The following CAMK2D variants were observed in gnomAD, a reference collection of about 807,000 sequenced individuals.
CAMK2D encodes the protein calcium/calmodulin dependent protein kinase II delta.
CAMK2D carries 37 observed loss-of-function variants against 84.0 expected under a neutral mutation model. The observed-to-expected ratio is 0.44, with a 90% CI of 0.34 to 0.58. CAMK2D has a LOEUF of 0.58. CAMK2D is among the 20% of genes least tolerant of loss of function. The pLI, the probability that CAMK2D is intolerant of heterozygous loss-of-function variation, is 0.02. For synonymous variants in CAMK2D, 202 were observed against 212.5 expected (o/e 0.95, Z 0.43); for missense variants, 448 against 652.5 (o/e 0.69, Z 3.41).
chr4:113,578,532 G>A (rs2098794205), intron 4 of CAMK2D, among the ~76,000 whole-genome samples: 1 of 152,126 alleles, frequency 6.6e-6, no homozygotes, highest in South Asian at 2.1e-4. Flanking sequence ...GTTCATATCA[G>A]TTCAAAATGA....
chr4:113,532,270 CTT>C (rs2098463415), intron 7 of CAMK2D, among the ~76,000 whole-genome samples: 1 of 152,150 alleles, frequency 6.6e-6, no homozygotes, highest in Non-Finnish European at 1.5e-5. Flanking sequence ...AAACTTTGCA[CTT>C]AATCTTTTTT....
chr4:113,511,967 G>T (rs2098220407), intron 12 of CAMK2D, among the ~76,000 whole-genome samples: 1 of 152,138 alleles, frequency 6.6e-6, no homozygotes, highest in East Asian at 1.9e-4. Flanking sequence ...ATTTAATAAT[G>T]ATATGATGGA....
chr4:113,490,765 T>C (rs533983378), intron 16 of CAMK2D, among the ~76,000 whole-genome samples: 1 of 143,784 alleles, frequency 7.0e-6, no homozygotes, highest in Admixed American at 6.9e-5. Context: ...TGATTCTTCC[T>C]ACCCATGAGC....
rs578069893 is a variant in CAMK2D, at chr4:113,510,455, C to CATT, written c.947-783_947-781dup. On this transcript the variant is annotated intron_variant, in intron 12 of 20. Transcript: ENST00000511664. ...AGCATATGGGTCTTATATGAAACTT[C>CATT]ATTTTTTTTGGAAGGGAGCTTTTAA... is the stretch of plus-strand genomic sequence containing the variant. Among the ~76,000 whole-genome samples, 703 of 152,210 alleles carry CATT rather than the reference C, an allele frequency of 4.6e-3. 13 individuals carry two copies. The highest frequency in any genetic ancestry group is 0.016 in the African/African-American group (668 of 41,544).
intron 16 of CAMK2D, among the ~76,000 whole-genome samples, chr4:113,481,788 T>C (rs1564526394): frequency 1.3e-5 from 2 of 152,312 alleles, no homozygotes; most frequent in East Asian, 1.9e-4. Flanking sequence ...TGGAGGGATG[T>C]AATTTAAAAT....
intron 3 of CAMK2D, among the ~76,000 whole-genome samples, chr4:113,619,905 T>TG (rs1418374262): frequency 1.3e-5 from 2 of 152,068 alleles, no homozygotes; most frequent in African/African-American, 2.4e-5. Context: ...AGAATATAGG[T>TG]GCTGAGAGGC....
chr4:113,570,475 G>A (rs958130556), intron 4 of CAMK2D, among the ~76,000 whole-genome samples: 6 of 152,104 alleles, frequency 3.9e-5, no homozygotes, highest in Non-Finnish European at 8.8e-5. Context: ...AGAGAACTGA[G>A]AGCCTAGAAA....
At chr4:113,581,897 C>G (rs547907245) in intron 4 of CAMK2D, among the ~76,000 whole-genome samples, 1 of 152,286 alleles carries the variant, frequency 6.6e-6, no homozygotes, top group South Asian at 2.1e-4. Context: ...ATAAGTTCAG[C>G]TAGGCCTCTG....
chr4:113,515,991 C>T (rs528475163), intron 9 of CAMK2D, among the ~76,000 whole-genome samples: 2 of 152,154 alleles, frequency 1.3e-5, no homozygotes, highest in South Asian at 2.1e-4. Flanking sequence ...AAATACTGTC[C>T]TTCAACGATG....
At chr4:113,716,621 A>T (rs1349023400) in intron 2 of CAMK2D, among the ~76,000 whole-genome samples, 1 of 130,550 alleles carries the variant, frequency 7.7e-6, no homozygotes, top group African/African-American at 3.0e-5. Flanking sequence ...ACTGTACTCC[A>T]GCCTGGGTGA....
chr4:113,675,350 A>G (rs2099313902), intron 2 of CAMK2D, among the ~76,000 whole-genome samples: 2 of 152,250 alleles, frequency 1.3e-5, no homozygotes, highest in Non-Finnish European at 2.9e-5. Context: ...TTTAAAAATC[A>G]TAACTTACAT....
chr4:113,752,621 A>G (rs1389568754), intron 2 of CAMK2D, among the ~76,000 whole-genome samples: 1 of 152,200 alleles, frequency 6.6e-6, no homozygotes, highest in Non-Finnish European at 1.5e-5. Flanking sequence ...TTTAGTTTGC[A>G]GTGACAACTG....
rs142934674 is a variant in CAMK2D at position 113,648,967 on chromosome 4, A to C, written c.220+12746T>G. ...TCAGTGAAATTTCTAATTTCTCCCA[A>C]TGTTTTTTCCTCCTTTGTTGCCTAT... On this transcript the variant is annotated intron_variant, in intron 3 of 20. Transcript: ENST00000511664. Among the ~76,000 whole-genome samples the C allele has an allele frequency of 1.5e-3, 230 of 152,272 alleles. 2 individuals carry two copies. The highest frequency in any genetic ancestry group is 5.4e-3 in the African/African-American group (225 of 41,556).
chr4:113,539,557 A>C (rs1406604985), intron 6 of CAMK2D, among the ~76,000 whole-genome samples: 1 of 152,232 alleles, frequency 6.6e-6, no homozygotes, highest in African/African-American at 2.4e-5. Context: ...CCGATTCAGA[A>C]GAAATGGAAC....
chr4:113,686,578 G>C (rs2099360558), intron 2 of CAMK2D, among the ~76,000 whole-genome samples: 1 of 152,040 alleles, frequency 6.6e-6, no homozygotes, highest in South Asian at 2.1e-4. Context: ...ATTTAAGAAG[G>C]AAGCACACAG....
intron 2 of CAMK2D, among the ~76,000 whole-genome samples, chr4:113,688,910 C>CAAAAAAAAAAAAAAAAAAAAAAAAGAA (rs34196728): frequency 4.0e-5 from 2 of 49,716 alleles, no homozygotes; most frequent in Non-Finnish European, 7.4e-5. Flanking sequence ...AAAGAAGATG[C>CAAAAAAAAAAAAAAAAAAAAAAAAGAA]AAAAAAAAAA....
chr4:113,637,969 T>G (rs28445701), intron 3 of CAMK2D, among the ~76,000 whole-genome samples: 14,197 of 152,150 alleles, frequency 0.093, 2,005 homozygotes, highest in African/African-American at 0.3. Context: ...TCCAAGCCCA[T>G]CCTTAACCAA....
rs754953102 is a variant in CAMK2D, at chr4:113,531,246, A to G, written c.571T>C (p.Tyr191His). ...GCCCACATATCCACTGGCTTTCCAT[A>G]AGGATCTTTACGTAAAACTTCTGGA... ...LSPEVLRKDPYGKPVDMWACG... is the reference protein window; with the variant it reads ...LSPEVLRKDPHGKPVDMWACG... Residue 191 changes from tyrosine to histidine, a missense_variant, in exon 8 of 21, where the codon TAT becomes CAT. Transcript: ENST00000511664. 1 of 1,605,654 alleles carries G rather than the reference A, an allele frequency of 6.2e-7. No individual in the cohort carries two copies. Among genetic ancestry groups the G allele is most frequent in the Non-Finnish European group, 8.5e-7 (1 of 1,172,326 alleles).
chr4:113,645,515 A>C (rs1357512314), intron 3 of CAMK2D, among the ~76,000 whole-genome samples: 1 of 152,212 alleles, frequency 6.6e-6, no homozygotes, highest in Non-Finnish European at 1.5e-5. Flanking sequence ...AAGTTTGTCA[A>C]TCCTTGTTCC....
Sources: allele counts gnomAD v4.1 joint callset (sites outside exome capture counted in the v4.1 genomes callset), GRCh38; gene constraint gnomAD v4.1.1; transcripts MANE v1.5; gene names NCBI Gene and HGNC (gene_info 2026-07-23, HGNC 2026-07-21).